Variants in AGBL4 observed in about 807,000 individuals in gnomAD.
The protein encoded by AGBL4 is cytosolic carboxypeptidase 6.
In AGBL4, 58 loss-of-function variants were observed where a neutral mutation model predicts 66.4. The ratio of observed to expected loss-of-function variants is 0.87; its 90% CI spans 0.71 to 1.09. The LOEUF (loss-of-function observed/expected upper bound fraction) is 1.09, where lower values mean the gene tolerates loss of function less well. Among genes scored for constraint, AGBL4 ranks in the 50% least tolerant of loss-of-function variants. AGBL4 has a pLI of 0.00. For missense variants in AGBL4, 579 were observed against 631.0 expected (o/e 0.92, Z 0.88); for synonymous variants, 234 against 222.9 (o/e 1.05, Z -0.44).
chr1:48,919,048 C>T (rs935183335), intron 5 of AGBL4, among the ~76,000 whole-genome samples: 27 of 152,308 alleles, frequency 1.8e-4, no homozygotes, highest in African/African-American at 6.5e-4. Flanking sequence ...GGCCACTGGA[C>T]TCACTCCAAG....
intron 6 of AGBL4, among the ~76,000 whole-genome samples, chr1:48,712,714 C>T (rs939388793): frequency 2.6e-5 from 4 of 152,146 alleles, no homozygotes; most frequent in Non-Finnish European, 5.9e-5. Context: ...ATACACCAGG[C>T]ACGTTCTGGG....
chr1:49,554,470 T>A (rs1653240836), intron 3 of AGBL4, among the ~76,000 whole-genome samples: 1 of 152,226 alleles, frequency 6.6e-6, no homozygotes, highest in African/African-American at 2.4e-5. Flanking sequence ...TTTTTTTAGC[T>A]TACTAAACAA....
intron 6 of AGBL4, among the ~76,000 whole-genome samples, chr1:48,837,204 G>A (rs373277369): frequency 1.3e-5 from 2 of 151,946 alleles, no homozygotes; most frequent in Non-Finnish European, 2.9e-5. Context: ...TGGTGAGATG[G>A]CATTACAGAT....
chr1:49,054,164 A>G (rs1160106944), intron 4 of AGBL4, among the ~76,000 whole-genome samples: 1 of 152,038 alleles, frequency 6.6e-6, no homozygotes, highest in East Asian at 1.9e-4. Context: ...TCTCTTGGGT[A>G]TGAAGTGGTA....
intron 3 of AGBL4, among the ~76,000 whole-genome samples, chr1:49,264,328 A>C (rs908370823): frequency 6.6e-6 from 1 of 152,180 alleles, no homozygotes; most frequent in Non-Finnish European, 1.5e-5. Flanking sequence ...AAATAACTTT[A>C]ATTCATTTGA....
rs1186915086 is a variant in AGBL4 at position 49,530,278 on chromosome 1, A to AAAAAAAAAAAAAAAAAAAC, written c.282+167034_282+167035insGTTTTTTTTTTTTTTTTTT. 1.2e-3 allele frequency among the ~76,000 whole-genome samples: 170 copies of AAAAAAAAAAAAAAAAAAAC among 145,104 alleles called. 4 individuals are homozygous for AAAAAAAAAAAAAAAAAAAC. Among genetic ancestry groups the AAAAAAAAAAAAAAAAAAAC allele is most frequent in the Non-Finnish European group, 2.2e-3 (142 of 64,894 alleles). ...AATTTGTAAAAAAAAAAAAACAAAAAAAAACTCTATGAGTTTTTTTTTATT... is the reference window on the plus strand; with the variant it reads ...AATTTGTAAAAAAAAAAAAACAAAAAAAAAAAAAAAAAAAAAAACAAAACTCTATGAGTTTTTTTTTATT... On this transcript the variant is annotated intron_variant, in intron 3 of 13. Transcript: ENST00000371839.
chr1:48,769,562 C>CACAT (rs1644704994), intron 6 of AGBL4, among the ~76,000 whole-genome samples: 1 of 147,240 alleles, frequency 6.8e-6, no homozygotes, highest in South Asian at 2.2e-4. Context: ...CACACACACA[C>CACAT]ACACACACAA....
chr1:49,327,238 G>GCA (rs1645244997), intron 3 of AGBL4, among the ~76,000 whole-genome samples: 1 of 152,130 alleles, frequency 6.6e-6, no homozygotes, highest in Non-Finnish European at 1.5e-5. Flanking sequence ...TGGGGAGTAG[G>GCA]ACATGGACAT....
chr1:49,132,386 G>A (rs1456271142), intron 4 of AGBL4, among the ~76,000 whole-genome samples: 9 of 152,098 alleles, frequency 5.9e-5, no homozygotes, highest in African/African-American at 9.7e-5. Flanking sequence ...CAGCTAGCTC[G>A]ATCCAAGACT....
chr1:48,772,222 A>T (rs531953642), intron 6 of AGBL4, among the ~76,000 whole-genome samples: 1 of 152,268 alleles, frequency 6.6e-6, no homozygotes, highest in Non-Finnish European at 1.5e-5. Context: ...GCTACAATCC[A>T]TAAGCAAGGC....
chr1:48,946,300 C>A (rs1422105725), intron 5 of AGBL4, among the ~76,000 whole-genome samples: 1 of 152,172 alleles, frequency 6.6e-6, no homozygotes, highest in East Asian at 1.9e-4. Flanking sequence ...GACCCATGAA[C>A]CATTCAGTAA....
chr1:49,946,953 T>C (rs1655264094), intron 1 of AGBL4, among the ~76,000 whole-genome samples: 1 of 151,758 alleles, frequency 6.6e-6, no homozygotes, highest in Non-Finnish European at 1.5e-5. Flanking sequence ...CTAGAAAACC[T>C]AGTGGAGATG....
chr1:48,693,324 G>A lies in AGBL4; in HGVS notation c.635-30083C>T, dbSNP rs568362494. ...GATCTCACCATCAACATGACAGAGA[G>A]GAAGCCAGGCTAAACCAGAGGTTAC... is the stretch of plus-strand genomic sequence containing the variant. On this transcript the variant is annotated intron_variant, in intron 6 of 13. Coordinates refer to ENST00000371839, the MANE Select transcript of AGBL4 (RefSeq NM_032785.4). Among the ~76,000 whole-genome samples the A allele has an allele frequency of 7.2e-5, 11 of 152,304 alleles. No individual in the cohort carries two copies. In the South Asian group the frequency reaches 2.3e-3, roughly 32 times the overall value.
intron 6 of AGBL4, among the ~76,000 whole-genome samples, chr1:48,755,690 T>C (rs1457225301): frequency 6.6e-6 from 1 of 152,138 alleles, no homozygotes; most frequent in East Asian, 1.9e-4. Context: ...GGGGATATCT[T>C]ACCAGACTTT....
chr1:49,843,981 C>G (rs1489282675), intron 2 of AGBL4, among the ~76,000 whole-genome samples: 1 of 152,102 alleles, frequency 6.6e-6, no homozygotes, highest in Non-Finnish European at 1.5e-5. Context: ...ATATTGAGGT[C>G]TTGCTATGGG....
At chr1:49,156,002 A>G (rs1646422226) in intron 4 of AGBL4, among the ~76,000 whole-genome samples, 2 of 152,186 alleles carry the variant, frequency 1.3e-5, no homozygotes. Context: ...TCAAGAGTGA[A>G]GAATCTAGAT....
chr1:49,371,210 A>AAGAT (rs998056115), intron 3 of AGBL4, among the ~76,000 whole-genome samples: 4 of 149,698 alleles, frequency 2.7e-5, no homozygotes, highest in East Asian at 2.0e-4. Context: ...AGATAGATAG[A>AAGAT]AGATAGATAG....
chr1:49,771,716 TG>T (rs1418278022), intron 2 of AGBL4, among the ~76,000 whole-genome samples: 2 of 152,102 alleles, frequency 1.3e-5, no homozygotes, highest in African/African-American at 4.8e-5. Flanking sequence ...TACACATTAT[TG>T]AATTGCTCCC....
intron 1 of AGBL4, among the ~76,000 whole-genome samples, chr1:49,917,606 G>A (rs1391124037): frequency 2.0e-5 from 3 of 152,040 alleles, no homozygotes; most frequent in African/African-American, 7.2e-5. Context: ...GACCTACAAA[G>A]AGACTTAGAC....
Sources: gnomAD v4.1 joint callset for allele counts (sites outside exome capture counted in the v4.1 genomes callset) on GRCh38, gnomAD v4.1.1 for gene constraint, MANE v1.5 for transcripts, NCBI Gene and HGNC (gene_info 2026-07-23, HGNC 2026-07-21) for gene names.